The following LIMCH1 variants were observed in gnomAD, a reference collection of about 807,000 sequenced individuals.
LIMCH1 encodes LIM and calponin homology domains-containing protein 1.
A neutral mutation model predicts 176.5 loss-of-function variants in LIMCH1; 113 were observed. The ratio of observed to expected loss-of-function variants is 0.64; its 90% CI spans 0.55 to 0.75. LIMCH1 has a LOEUF of 0.75. LIMCH1 is among the 30% of genes least tolerant of loss of function. LIMCH1 has a pLI of 0.00. For missense variants in LIMCH1, 1,674 were observed against 1,814.9 expected (o/e 0.92, Z 1.41); for synonymous variants, 619 against 645.9 (o/e 0.96, Z 0.63).
chr4:41,381,346 A>G (rs920146612), intron 1 of LIMCH1, among the ~76,000 whole-genome samples: 3 of 152,234 alleles, frequency 2.0e-5, no homozygotes, highest in Admixed American at 6.5e-5. Context: ...GTCAGCTCCA[A>G]GTATCGGTAA....
intron 1 of LIMCH1, chr4:41,418,747 T>C (rs2060164937): frequency 6.6e-6 from 1 of 152,030 alleles, no homozygotes; most frequent in Non-Finnish European, 1.5e-5. Flanking sequence ...AGAATGCTGC[T>C]TGTGACCATG....
chr4:41,363,353 G>T (rs1024031824), intron 1 of LIMCH1, among the ~76,000 whole-genome samples: 1 of 152,206 alleles, frequency 6.6e-6, no homozygotes, highest in African/African-American at 2.4e-5. Context: ...GTCTCTGGCA[G>T]CATCCTCATT....
rs2093317687 is a variant in LIMCH1 at position 41,631,415 on chromosome 4, T to A, written c.1539T>A (p.Pro513=). The A allele has an allele frequency of 1.3e-6, 2 of 1,532,578 alleles. No homozygotes were observed. Among genetic ancestry groups the A allele is most frequent in the African/African-American group, 2.7e-5 (2 of 72,872 alleles). The allele number at this position is 1,532,578 out of a possible 1,614,324, so 94.9% of individuals were successfully genotyped here. The change falls in exon 10 of 32, where the codon CCT becomes CCA. Residue 513 remains proline, a synonymous_variant. Coordinates refer to ENST00000503057, the MANE Select transcript of LIMCH1 (RefSeq NM_001330672.2). ...GSKIQMDSVS[P]VSAATSSLKG... ...AGATTCAAATGGACTCTGTGTCTCC[T>A]GTCTCAGCGGCCACTTCCAGCTTAA...
intron 3 of LIMCH1, among the ~76,000 whole-genome samples, chr4:41,524,992 G>A (rs1206282181): frequency 1.3e-5 from 2 of 152,216 alleles, no homozygotes; most frequent in East Asian, 3.9e-4. Flanking sequence ...GTCATCTGGA[G>A]AACTGTTTAA....
At chr4:41,552,564 C>T (rs1172090653) in intron 1 of LIMCH1, among the ~76,000 whole-genome samples, 1 of 152,124 alleles carries the variant, frequency 6.6e-6, no homozygotes, top group Non-Finnish European at 1.5e-5. Flanking sequence ...TCTTGTTCTC[C>T]TAGGCTGCTG....
At chr4:41,524,559 T>C (rs1434760740) in intron 3 of LIMCH1, 1 of 984,144 alleles carries the variant, frequency 1.0e-6, no homozygotes, top group African/African-American at 1.6e-5. Flanking sequence ...TTTATTACAG[T>C]TCTCTCCTGC....
intron 7 of LIMCH1, among the ~76,000 whole-genome samples, chr4:41,622,199 A>T (rs1465502432): frequency 6.6e-6 from 1 of 152,182 alleles, no homozygotes; most frequent in Non-Finnish European, 1.5e-5. Context: ...CTTATCAAAC[A>T]CATTTTTTTC....
chr4:41,405,127 G>C (rs533802274), intron 1 of LIMCH1, among the ~76,000 whole-genome samples: 1 of 152,048 alleles, frequency 6.6e-6, no homozygotes, highest in African/African-American at 2.4e-5. Context: ...TTTCTTTACC[G>C]TACTATCCAC....
intron 1 of LIMCH1, among the ~76,000 whole-genome samples, chr4:41,597,548 C>T (rs1184954974): frequency 6.6e-6 from 1 of 152,130 alleles, no homozygotes; most frequent in Non-Finnish European, 1.5e-5. Context: ...GGATTTTTAG[C>T]TCAGGGTCCT....
At chr4:41,689,811 T>A in intron 30 of LIMCH1, 176 bp downstream of exon 30, 1 of 490,690 alleles carries the variant, frequency 2.0e-6, no homozygotes, top group South Asian at 3.1e-5. Flanking sequence ...CCCTCTGGGA[T>A]GTCAGATTAG....
intron 1 of LIMCH1, among the ~76,000 whole-genome samples, chr4:41,570,755 A>G (rs1004638758): frequency 1.3e-5 from 2 of 152,208 alleles, no homozygotes; most frequent in Non-Finnish European, 2.9e-5. Context: ...GCCCAACAAA[A>G]ATAGACTGAT....
chr4:41,688,057 G>A (rs1373260290), intron 29 of LIMCH1, 140 bp downstream of exon 29: 2 of 624,014 alleles, frequency 3.2e-6, no homozygotes, highest in African/African-American at 3.6e-5. Context: ...ACACACAGAG[G>A]CAAAAGGAAA....
chr4:41,479,263 G>A (rs186783937), intron 1 of LIMCH1, among the ~76,000 whole-genome samples: 1 of 152,030 alleles, frequency 6.6e-6, no homozygotes, highest in African/African-American at 2.4e-5. Flanking sequence ...CACTCTTTTT[G>A]TTTGTTCAAA....
chr4:41,459,493 G>C (rs2065030206), intron 1 of LIMCH1, among the ~76,000 whole-genome samples: 1 of 152,098 alleles, frequency 6.6e-6, no homozygotes. Flanking sequence ...GTAAAGACGA[G>C]GTCTCACCCT....
intron 3 of LIMCH1, among the ~76,000 whole-genome samples, chr4:41,527,828 A>G (rs991275936): frequency 2.2e-5 from 3 of 136,562 alleles, no homozygotes; most frequent in Non-Finnish European, 4.9e-5. Flanking sequence ...GTCTCAAAAA[A>G]AAAAAAAAAA....
chr4:41,530,521 T>C (rs2077144537), intron 3 of LIMCH1, among the ~76,000 whole-genome samples: 1 of 152,112 alleles, frequency 6.6e-6, no homozygotes, highest in South Asian at 2.1e-4. Context: ...AATTGTTGTT[T>C]TTTGGCCAGG....
intron 8 of LIMCH1, 99 bp from the exon 9 acceptor site, chr4:41,629,393 C>A: frequency 7.2e-7 from 1 of 1,381,776 alleles, no homozygotes; most frequent in Non-Finnish European, 9.7e-7. Context: ...TTGTTCTGTC[C>A]TCAGCCTGTG....
At chr4:41,668,659 A>G (rs768335175) in intron 21 of LIMCH1, among the ~76,000 whole-genome samples, 1 of 152,240 alleles carries the variant, frequency 6.6e-6, no homozygotes, top group East Asian at 1.9e-4. Flanking sequence ...ATTCTTTAAG[A>G]TAGAATTGTA....
chr4:41,572,131 T>C (rs1380408204), intron 1 of LIMCH1, among the ~76,000 whole-genome samples: 2 of 152,200 alleles, frequency 1.3e-5, no homozygotes, highest in East Asian at 3.8e-4. Context: ...AAACGTTAGC[T>C]GCTGAGCTGA....
Sources: gnomAD v4.1 joint callset for allele counts (sites outside exome capture counted in the v4.1 genomes callset) on GRCh38, gnomAD v4.1.1 for gene constraint, MANE v1.5 for transcripts, NCBI Gene and HGNC (gene_info 2026-07-23, HGNC 2026-07-21) for gene names.